SARDH: variants seen among roughly 807,000 people sequenced by gnomAD.
SARDH encodes the protein sarcosine dehydrogenase, mitochondrial.
In SARDH, 95 loss-of-function variants were observed where a neutral mutation model predicts 109.1. That is an observed-to-expected ratio of 0.87 (90% CI 0.74 to 1.03). The LOEUF (loss-of-function observed/expected upper bound fraction) is 1.03, where lower values mean the gene tolerates loss of function less well. Among genes scored for constraint, SARDH ranks in the 50% least tolerant of loss-of-function variants. The pLI, the probability that SARDH is intolerant of heterozygous loss-of-function variation, is 0.00. For missense variants in SARDH, 1,267 were observed against 1,287.8 expected, an observed-to-expected ratio of 0.98 and a Z score of 0.25; for synonymous variants, 572 against 534.8, an observed-to-expected ratio of 1.07 and a Z score of -0.96.
At position 133,733,876 on chromosome 9, in the gene SARDH, G is replaced by A. The variant is rs755121921; in HGVS notation, c.298C>T (p.Arg100Trp). 17 of 1,488,938 alleles carry A rather than the reference G, an allele frequency of 1.1e-5. 1 individual carries two copies. Among genetic ancestry groups the A allele is most frequent in the South Asian group, 1.1e-4 (8 of 71,828 alleles). The allele number at this position is 1,488,938 out of a possible 1,614,324, so 92.2% of individuals were successfully genotyped here. Residue 100 changes from arginine to tryptophan, a missense_variant, in exon 2 of 21, where the codon CGG (arginine) becomes TGG (tryptophan). By Grantham distance (101) the Arg-to-Trp change is moderately radical. Coordinates refer to ENST00000439388, the MANE Select transcript of SARDH (RefSeq NM_001134707.2). ...TGCCAGGTGGTCCCGGAGGTCAGCC[G>A]CTCCCGCTCCAGCAGCACCGCCCCA... ...MSGAVLLERERLTSGTTWHTA... is the reference protein window; with the variant it reads ...MSGAVLLEREWLTSGTTWHTA...
intron 19 of SARDH, 28 bp downstream of exon 19, chr9:133,670,556 G>T (rs1477746663): frequency 4.5e-6 from 7 of 1,556,072 alleles, no homozygotes; most frequent in Non-Finnish European, 6.1e-6. Flanking sequence ...GTTGCTTCCG[G>T]GTGGGCGTGG....
chr9:133,697,248 A>G (rs1237626579), intron 13 of SARDH, among the ~76,000 whole-genome samples: 3 of 152,236 alleles, frequency 2.0e-5, no homozygotes, highest in Admixed American at 2.0e-4. Context: ...AAGACATGAC[A>G]AATCTTAATA....
At position 133,670,690 on chromosome 9, in the gene SARDH, A is replaced by G. The variant is rs747593533; in HGVS notation, c.2389T>C (p.Phe797Leu). 1 of 1,607,814 alleles carries G rather than the reference A, an allele frequency of 6.2e-7. No homozygotes were observed. The highest frequency in any genetic ancestry group is 8.5e-7 in the Non-Finnish European group (1 of 1,177,970). ...ACCGGCGACTTGAGCTTGCAGGTGA[A>G]GGCCAGGCCTGCCTCCAGGGGGCTG... is the stretch of plus-strand genomic sequence containing the variant. ...DDSPLEAGLAFTCKLKSPVPF... is the reference protein window; with the variant it reads ...DDSPLEAGLALTCKLKSPVPF... The change falls in exon 19 of 21, where the codon TTC becomes CTC. Residue 797 changes from phenylalanine (F) to leucine (L), a missense_variant. Coordinates refer to ENST00000439388, the MANE Select transcript of SARDH (RefSeq NM_001134707.2).
At chr9:133,661,724 G>A (rs993334270), downstream of SARDH, among the ~76,000 whole-genome samples, 5 of 151,914 alleles carry the variant, frequency 3.3e-5, no homozygotes, top group Non-Finnish European at 7.4e-5. Flanking sequence ...CAGGTGATCC[G>A]CCCCCCTCGG....
intron 6 of SARDH, among the ~76,000 whole-genome samples, chr9:133,719,891 C>G (rs1832265500): frequency 6.6e-6 from 1 of 151,578 alleles, no homozygotes; most frequent in South Asian, 2.1e-4. Flanking sequence ...GCAGGCAGAT[C>G]ACGAGGTCAG....
chr9:133,659,857 GCCTCT>G (rs1474355061), downstream of SARDH, among the ~76,000 whole-genome samples: 37 of 152,276 alleles, frequency 2.4e-4, no homozygotes, highest in East Asian at 6.8e-3. Flanking sequence ...GGCCCAAGAA[GCCTCT>G]TCCCGCGATC....
rs766505860 is a variant in SARDH, at chr9:133,670,578, A to G, written c.2495+6T>C. 19 of 1,568,354 alleles carry G rather than the reference A, an allele frequency of 1.2e-5. No homozygotes were observed. The East Asian group carries it at 4.5e-4, about 37-fold the overall frequency. ...CCGGGTGGGCGTGGAACAGCGGGAT[A>G]CTCACTCCTCCATGGTGAAGCACAC... On this transcript the variant is annotated splice_donor_region_variant and intron_variant, in intron 19 of 20. Transcript: ENST00000439388.
At chr9:133,680,344 C>T (rs1363698902) in intron 17 of SARDH, among the ~76,000 whole-genome samples, 1 of 152,126 alleles carries the variant, frequency 6.6e-6, no homozygotes, top group Non-Finnish European at 1.5e-5. Flanking sequence ...GTGGCTGACT[C>T]AACTCCCATC....
At chr9:133,661,485 TTTTTG>T (rs1242806208), downstream of SARDH, among the ~76,000 whole-genome samples, 2 of 152,050 alleles carry the variant, frequency 1.3e-5, no homozygotes, top group African/African-American at 4.8e-5. Context: ...CACTTTCTTT[TTTTTG>T]TTGTTTTTGA....
Position 133,666,743 on chromosome 9 carries a change from C to T in SARDH, c.2623G>A (p.Gly875Ser), listed in dbSNP as rs760438211. 2.4e-5 allele frequency: 39 copies of T among 1,591,914 alleles called. No homozygotes were observed. The highest frequency in any genetic ancestry group is 1.7e-4 in the Middle Eastern group (1 of 6,060). The part of the protein sequence containing the change: ...IAYGYIHDPS[G>S]GPVSLDFVKS... Reference sequence around the variant, plus strand: ...CAGAGAAGGGGACTCACCGGCCCACCGCTGGGGTCATGGATGTAACCGTAG... The same window carrying T: ...CAGAGAAGGGGACTCACCGGCCCACTGCTGGGGTCATGGATGTAACCGTAG... The change falls in exon 20 of 21, where the codon GGT becomes AGT. Residue 875 changes from glycine (G) to serine (S), a missense_variant. Coordinates refer to ENST00000439388, the MANE Select transcript of SARDH (RefSeq NM_001134707.2). The surrounding 1 kb of genome is among the most constrained non-coding windows in gnomAD (Gnocchi z 5.2).
At chr9:133,710,173 T>C (rs954506266) in intron 10 of SARDH, among the ~76,000 whole-genome samples, 26 of 152,164 alleles carry the variant, frequency 1.7e-4, no homozygotes, top group Admixed American at 1.7e-3. Context: ...CTCTGTTGGG[T>C]ACTGGGCCAA....
intron 6 of SARDH, among the ~76,000 whole-genome samples, chr9:133,724,090 G>T (rs1450675898): frequency 6.6e-6 from 1 of 152,092 alleles, no homozygotes; most frequent in Non-Finnish European, 1.5e-5. Context: ...AGGAAAAAAA[G>T]AGATGAATTG....
At chr9:133,739,342 C>G (rs761751539), upstream of SARDH, among the ~76,000 whole-genome samples, 3 of 152,228 alleles carry the variant, frequency 2.0e-5, no homozygotes, top group Non-Finnish European at 4.4e-5. Context: ...CTTATTCACA[C>G]CGAGGATGTC....
chr9:133,732,639 T>A, intron 2 of SARDH, 38 bp from the exon 3 acceptor site: 2 of 1,558,782 alleles, frequency 1.3e-6, no homozygotes, highest in Non-Finnish European at 1.7e-6. Context: ...CCCCAGGGAG[T>A]GGACTGCACC....
At chr9:133,700,942 C>T (rs1831462412) in intron 13 of SARDH, among the ~76,000 whole-genome samples, 1 of 152,226 alleles carries the variant, frequency 6.6e-6, no homozygotes, top group Non-Finnish European at 1.5e-5. Flanking sequence ...ACAGCAACAA[C>T]CACAGCTTCC....
intron 13 of SARDH, among the ~76,000 whole-genome samples, chr9:133,701,490 C>T (rs886600092): frequency 1.3e-5 from 2 of 152,248 alleles, no homozygotes; most frequent in African/African-American, 4.8e-5. Flanking sequence ...AAGCTGCCAG[C>T]GCCAAGAACA....
chr9:133,719,177 G>A (rs1832234761), intron 6 of SARDH, 135 bp from the exon 7 acceptor site: 1 of 666,046 alleles, frequency 1.5e-6, no homozygotes, highest in African/African-American at 1.8e-5. Context: ...AGGACCCCGA[G>A]GACAGAGTGG....
In SARDH at chr9:133,717,355, G is replaced by A. The variant is rs1345658461; in HGVS notation, c.1121C>T (p.Thr374Ile). 6.2e-7 allele frequency: 1 copy of A among 1,614,116 alleles called. No homozygotes were observed. Among genetic ancestry groups the A allele is most frequent in the Admixed American group, 1.7e-5 (1 of 60,012 alleles). ...GCCGCAGACCGTGGACTTGATTCCT[G>A]TCTTCTCCAGCACGGGGACCCTGTT... ...AINRVPVLEKTGIKSTVCGPE... is the reference protein window; with the variant it reads ...AINRVPVLEKIGIKSTVCGPE... The change falls in exon 8 of 21, where the codon ACA becomes ATA. Residue 374 changes from threonine (T) to isoleucine (I), a missense_variant. Thr to Ile is a moderately conservative substitution (Grantham distance 89). Transcript: ENST00000439388.
intron 14 of SARDH, among the ~76,000 whole-genome samples, chr9:133,694,983 G>T (rs1831231908): frequency 6.6e-6 from 1 of 152,158 alleles, no homozygotes; most frequent in Non-Finnish European, 1.5e-5. Flanking sequence ...GAGTGGGTTT[G>T]TTGGTTGGCT....
Sources: gnomAD v4.1 joint callset for allele counts (sites outside exome capture counted in the v4.1 genomes callset) on GRCh38, gnomAD v4.1.1 for gene constraint, Gnocchi (gnomAD v3.1) non-coding constraint, MANE v1.5 for transcripts, NCBI Gene and HGNC (gene_info 2026-07-23, HGNC 2026-07-21) for gene names.